The following SOX18 variants were observed in gnomAD, a reference collection of about 807,000 sequenced individuals.
The protein encoded by SOX18 is transcription factor SOX-18.
A neutral mutation model predicts 9.1 loss-of-function variants in SOX18; 2 were observed. The ratio of observed to expected loss-of-function variants is 0.22; its 90% CI spans 0.09 to 0.69. The LOEUF is 0.69. SOX18 is among the 30% of genes least tolerant of loss of function. The pLI is 0.80. For synonymous variants in SOX18, 292 were observed against 280.5 expected (o/e 1.04, Z -0.41); for missense variants, 542 against 567.3 (o/e 0.96, Z 0.45).
At position 64,048,712 on chromosome 20, in the gene SOX18, C is replaced by A; in HGVS notation, c.609G>T (p.Leu203=). ...SARAFRELPP[L]GAEFDGLGLP... The stretch of plus-strand genomic sequence containing the variant: ...GCCCCAGGCCGTCGAACTCGGCGCC[C>A]AGCGGGGGCAGCTCGCGGAAGGCGC... Residue 203 remains leucine (L), a synonymous_variant, in exon 2 of 2, where the codon CTG becomes CTT. Transcript: ENST00000340356. 2.2e-6 allele frequency: 3 copies of A among 1,366,070 alleles called. No homozygotes were observed. The highest frequency in any genetic ancestry group is 2.8e-6 in the Non-Finnish European group (3 of 1,068,478). The allele number at this position is 1,366,070 out of a possible 1,614,324, so 84.6% of individuals were successfully genotyped here. A position where few individuals can be genotyped will look rare whatever the true frequency, so the allele number is the denominator to read the frequency against.
chr20:64,048,506 G>C lies in SOX18; in HGVS notation c.815C>G (p.Thr272Ser). 1 of 1,222,646 alleles carries C rather than the reference G, an allele frequency of 8.2e-7. No individual in the cohort carries two copies. The highest frequency in any genetic ancestry group is 1.6e-5 in the African/African-American group (1 of 63,148). 75.7% of individuals were successfully genotyped at this position (1,222,646 alleles called of 1,614,324 possible). A position where few individuals can be genotyped will look rare whatever the true frequency, so the allele number is the denominator to read the frequency against. The change falls in exon 2 of 2, where the codon ACC becomes AGC. Residue 272 changes from threonine (T) to serine (S), a missense_variant. Coordinates refer to ENST00000340356, the MANE Select transcript of SOX18 (RefSeq NM_018419.3). Reference protein sequence around the residue: ...YGAPLAEALRTAPPAAPLAGL... With the variant: ...YGAPLAEALRSAPPAAPLAGL... ...AGCGAGCGGCGCCGCGGGGGGCGCGGTCCTGAGCGCCTCCGCCAGGGGAGC... is the reference window on the plus strand; with the variant it reads ...AGCGAGCGGCGCCGCGGGGGGCGCGCTCCTGAGCGCCTCCGCCAGGGGAGC...
rs929803000 is a variant in SOX18 at position 64,048,100 on chromosome 20, C to G, written c.*66G>C. ...GTATGAGAGAGCAGAGCGGCAGCGA[C>G]GCGGTCGGATCGGTCGCGGGGGCTG... On this transcript the variant is annotated 3_prime_UTR_variant, in exon 2 of 2. Coordinates refer to ENST00000340356, the MANE Select transcript of SOX18 (RefSeq NM_018419.3). 1.5e-5 allele frequency: 21 copies of G among 1,422,028 alleles called. No individual in the cohort carries two copies. The African/African-American group carries it at 2.7e-4, about 18-fold the overall frequency. The allele number at this position is 1,422,028 out of a possible 1,614,324, so 88.1% of individuals were successfully genotyped here. A position where few individuals can be genotyped will look rare whatever the true frequency, so the allele number is the denominator to read the frequency against.
Position 64,048,179 on chromosome 20 carries a change from C to A in SOX18, c.1142G>T (p.Cys381Phe). The A allele has an allele frequency of 6.4e-7, 1 of 1,554,224 alleles. No homozygotes were observed. The highest frequency in any genetic ancestry group is 8.7e-7 in the Non-Finnish European group (1 of 1,153,446). The change falls in exon 2 of 2, where the codon TGC becomes TTC. Residue 381 changes from cysteine to phenylalanine, a missense_variant. Coordinates refer to ENST00000340356, the MANE Select transcript of SOX18 (RefSeq NM_018419.3). The stretch of plus-strand genomic sequence containing the variant: ...GGCGCCGGCGGCCTAGCCGGAGATG[C>A]ACGCGCTGTAATAGACCGCGCTGCT... ...DASSAVYYSA[C>F]ISG
chr20:64,049,081 C>A (rs2059415591), intron 1 of SOX18, 78 bp downstream of exon 1: 2 of 987,832 alleles, frequency 2.0e-6, no homozygotes, highest in African/African-American at 2.6e-5. Flanking sequence ...CGGCCCGGGA[C>A]CCCTGCCCCC....
chr20:64,049,247 G>A lies in SOX18; in HGVS notation c.270C>T (p.Asn90=). Residue 90 remains asparagine (N), a synonymous_variant, in exon 1 of 2, where the codon AAC becomes AAT. Transcript: ENST00000340356. The stretch of plus-strand genomic sequence containing the variant: ...CGTCCTTTGCCCACACCATGAAGGC[G>A]TTCATGGGCCGCCGGATGCGCGACT... ...ADESRIRRPM[N]AFMVWAKDER... The A allele has an allele frequency of 6.5e-7, 1 of 1,531,686 alleles. No individual in the cohort carries two copies. The allele number at this position is 1,531,686 out of a possible 1,614,324, so 94.9% of individuals were successfully genotyped here. A position where few individuals can be genotyped will look rare whatever the true frequency, so the allele number is the denominator to read the frequency against.
In SOX18 at chr20:64,048,784, G is replaced by A. The variant is rs1245520342; in HGVS notation, c.537C>T (p.Pro179=). The change falls in exon 2 of 2, where the codon CCC becomes CCT. Residue 179 remains proline, a synonymous_variant. Coordinates refer to ENST00000340356, the MANE Select transcript of SOX18 (RefSeq NM_018419.3). ...GGAAAGGCTCGGGCGGTGGCTGCGG[G>A]GGCGCTAATCCCGGGAGCAGGAGGC... ...EPGLLLPGLA[P]PQPPPEPFPA... is the part of the protein sequence containing the mutation. 1 of 1,510,714 alleles carries A rather than the reference G, an allele frequency of 6.6e-7. No homozygotes were observed. The highest frequency in any genetic ancestry group is 8.8e-7 in the Non-Finnish European group (1 of 1,135,938). The allele number at this position is 1,510,714 out of a possible 1,614,324, so 93.6% of individuals were successfully genotyped here.
At position 64,048,565 on chromosome 20, in the gene SOX18, G is replaced by A; in HGVS notation, c.756C>T (p.Thr252=). 1 of 1,224,936 alleles carries A rather than the reference G, an allele frequency of 8.2e-7. No individual in the cohort carries two copies. The highest frequency in any genetic ancestry group is 1.0e-6 in the Non-Finnish European group (1 of 985,102). The allele number at this position is 1,224,936 out of a possible 1,614,324, so 75.9% of individuals were successfully genotyped here. A position where few individuals can be genotyped will look rare whatever the true frequency, so the allele number is the denominator to read the frequency against. The part of the protein sequence containing the change: ...LRPFRAPYAP[T]ELSRDPGGCY... ...AACCGCCGGGGTCCCGCGACAACTC[G>A]GTGGGCGCGTAGGGCGCGCGGAAGG... is the stretch of plus-strand genomic sequence containing the variant. The change falls in exon 2 of 2, where the codon ACC becomes ACT. Residue 252 remains threonine, a synonymous_variant. Coordinates refer to ENST00000340356, the MANE Select transcript of SOX18 (RefSeq NM_018419.3).
chr20:64,049,086 G>GCA, intron 1 of SOX18, 73 bp downstream of exon 1: 1 of 831,920 alleles, frequency 1.2e-6, no homozygotes, highest in South Asian at 4.7e-5. Context: ...CGGGACCCCT[G>GCA]CCCCCCCCGC....
Position 64,048,663 on chromosome 20 carries a change from G to T in SOX18, c.658C>A (p.Leu220Met). Residue 220 changes from leucine (L) to methionine (M), a missense_variant, in exon 2 of 2, where the codon CTG becomes ATG. By Grantham distance (15) the Leu-to-Met change is conservative. Transcript: ENST00000340356. ...LGLPTPERSP[L>M]DGLEPGEAAF... is the part of the protein sequence containing the mutation. The stretch of plus-strand genomic sequence containing the variant: ...GCCTCGCCGGGCTCCAGGCCGTCCA[G>T]AGGCGAGCGCTCGGGCGTGGGCAGC... 7.6e-7 allele frequency: 1 copy of T among 1,309,642 alleles called. No homozygotes were observed. Among genetic ancestry groups the T allele is most frequent in the Non-Finnish European group, 9.7e-7 (1 of 1,035,742 alleles). 81.1% of individuals were successfully genotyped at this position (1,309,642 alleles called of 1,614,324 possible).
At chr20:64,049,017 C>G (rs1270650843) in intron 1 of SOX18, 55 bp from the exon 2 acceptor site, 1 of 1,505,060 alleles carries the variant, frequency 6.6e-7, no homozygotes, top group Admixed American at 2.1e-5. Flanking sequence ...GGGCGCCGAG[C>G]CCTCCGTGCG....
Position 64,048,726 on chromosome 20 carries a change from C to T in SOX18, c.595G>A (p.Glu199Lys), listed in dbSNP as rs1334155263. ...AACTCGGCGCCCAGCGGGGGCAGCT[C>T]GCGGAAGGCGCGAGCCGAGCCAGAC... Reference protein sequence around the residue: ...AASGSARAFRELPPLGAEFDG... With the variant: ...AASGSARAFRKLPPLGAEFDG... Residue 199 changes from glutamate to lysine, a missense_variant, in exon 2 of 2, where the codon GAG becomes AAG. Coordinates refer to ENST00000340356, the MANE Select transcript of SOX18 (RefSeq NM_018419.3). The T allele has an allele frequency of 1.4e-6, 2 of 1,380,844 alleles. No homozygotes were observed. The highest frequency in any genetic ancestry group is 3.6e-5 in the Admixed American group (1 of 27,398). The allele number at this position is 1,380,844 out of a possible 1,614,324, so 85.5% of individuals were successfully genotyped here. A position where few individuals can be genotyped will look rare whatever the true frequency, so the allele number is the denominator to read the frequency against.
In SOX18 at chr20:64,048,197, G is replaced by A; in HGVS notation, c.1124C>T (p.Ala375Val). 2 of 1,567,556 alleles carry A rather than the reference G, an allele frequency of 1.3e-6. No individual in the cohort carries two copies. The highest frequency in any genetic ancestry group is 1.7e-6 in the Non-Finnish European group (2 of 1,159,548). The change falls in exon 2 of 2, where the codon GCG becomes GTG. Residue 375 changes from alanine (A) to valine (V), a missense_variant. Transcript: ENST00000340356. The stretch of plus-strand genomic sequence containing the variant: ...GGAGATGCACGCGCTGTAATAGACC[G>A]CGCTGCTGGCGTCCGACAGCGCGGA... ...LISALSDASS[A>V]VYYSACISG
At position 64,047,701 on chromosome 20, in the gene SOX18, T is replaced by G. The variant is rs2145416285; in HGVS notation, c.*465A>C. The stretch of plus-strand genomic sequence containing the variant: ...CACATTGCAAAAGTCTTTGCCACAG[T>G]GACGCTTCTGATCACTGAAACTTCT... On this transcript the variant is annotated 3_prime_UTR_variant, in exon 2 of 2. Coordinates refer to ENST00000340356, the MANE Select transcript of SOX18 (RefSeq NM_018419.3). 6.4e-6 allele frequency: 1 copy of G among 155,978 alleles called. No individual in the cohort carries two copies. Among genetic ancestry groups the G allele is most frequent in the South Asian group, 1.9e-4 (1 of 5,134 alleles). The allele number at this position is 155,978 out of a possible 1,614,324, so 9.7% of individuals were successfully genotyped here.
At position 64,048,841 on chromosome 20, in the gene SOX18, C is replaced by T. The variant is rs200029331; in HGVS notation, c.480G>A (p.Lys160=). The T allele has an allele frequency of 1.3e-5, 21 of 1,580,606 alleles. No homozygotes were observed. In the African/African-American group the frequency reaches 1.4e-4, roughly 10 times the overall value. ...CCAGCCGCCGGGCCTTGCGCGCCTG[C>T]TTCTTGCGGCGCGGCCGGTACTTGT... ...PNYKYRPRRK[K]QARKARRLEP... The change falls in exon 2 of 2, where the codon AAG becomes AAA. Residue 160 remains lysine, a synonymous_variant. Coordinates refer to ENST00000340356, the MANE Select transcript of SOX18 (RefSeq NM_018419.3).
rs1283779670 is a variant in SOX18 at position 64,048,939 on chromosome 20, C to T, written c.382G>A (p.Ala128Thr). The T allele has an allele frequency of 6.3e-7, 1 of 1,593,604 alleles. No homozygotes were observed. Among genetic ancestry groups the T allele is most frequent in the Non-Finnish European group, 8.5e-7 (1 of 1,175,376 alleles). Residue 128 changes from alanine to threonine, a missense_variant, in exon 2 of 2, where the codon GCG (alanine) becomes ACG (threonine). Physicochemically the swap from Ala to Thr is moderately conservative, Grantham distance 58 (BLOSUM62 0). Coordinates refer to ENST00000340356, the MANE Select transcript of SOX18 (RefSeq NM_018419.3). ...MLGKAWKELN[A>T]AEKRPFVEEA... ...TCCACGAAGGGCCGCTTCTCCGCCG[C>T]GTTCAGCTCCTTCCACGCTTTGCCT...
chr20:64,048,298 G>T lies in SOX18; in HGVS notation c.1023C>A (p.Pro341=). ...CCAGTGCCACGTGGTACGGGAGCCC[G>T]GGGGCGTCGGGCCGAGTCCGGCTGC... ...LNCSRTRPDA[P]GLPYHVALAK... is the part of the protein sequence containing the mutation. Residue 341 remains proline, a synonymous_variant, in exon 2 of 2, where the codon CCC becomes CCA. Coordinates refer to ENST00000340356, the MANE Select transcript of SOX18 (RefSeq NM_018419.3). 1 of 1,593,050 alleles carries T rather than the reference G, an allele frequency of 6.3e-7. No homozygotes were observed. Among genetic ancestry groups the T allele is most frequent in the Admixed American group, 1.7e-5 (1 of 57,670 alleles).
Position 64,048,254 on chromosome 20 carries a change from G to A in SOX18, c.1067C>T (p.Ala356Val). 1 of 1,593,534 alleles carries A rather than the reference G, an allele frequency of 6.3e-7. No homozygotes were observed. The highest frequency in any genetic ancestry group is 8.5e-7 in the Non-Finnish European group (1 of 1,171,334). The change falls in exon 2 of 2, where the codon GCC becomes GTC. Residue 356 changes from alanine (A) to valine (V), a missense_variant. Physicochemically the swap from Ala to Val is moderately conservative, Grantham distance 64 (BLOSUM62 0). Transcript: ENST00000340356. The part of the protein sequence containing the change: ...HVALAKLGPR[A>V]MSCPEESSLI... Reference sequence around the variant, plus strand: ...GCTGCTCTCCTCTGGGCAGGACATGGCGCGCGGGCCCAGTTTGGCCAGTGC... The same window carrying A: ...GCTGCTCTCCTCTGGGCAGGACATGACGCGCGGGCCCAGTTTGGCCAGTGC...
Position 64,048,290 on chromosome 20 carries a change from G to A in SOX18, c.1031C>T (p.Pro344Leu), listed in dbSNP as rs375192114. The A allele has an allele frequency of 9.3e-5, 149 of 1,596,188 alleles. No individual in the cohort carries two copies. The highest frequency in any genetic ancestry group is 1.2e-4 in the Non-Finnish European group (145 of 1,172,514). Residue 344 changes from proline (P) to leucine (L), a missense_variant, in exon 2 of 2, where the codon CCG (proline) becomes CTG (leucine). By Grantham distance (98) the Pro-to-Leu change is moderately conservative (BLOSUM62 -3). Coordinates refer to ENST00000340356, the MANE Select transcript of SOX18 (RefSeq NM_018419.3). ...CAGTTTGGCCAGTGCCACGTGGTAC[G>A]GGAGCCCGGGGGCGTCGGGCCGAGT... ...SRTRPDAPGL[P>L]YHVALAKLGP... is the part of the protein sequence containing the mutation.
In SOX18 at chr20:64,049,142, G is replaced by A; in HGVS notation, c.358+17C>T. On this transcript the variant is annotated intron_variant, in intron 1 of 1. Transcript: ENST00000340356. ...CCCCGCCCTCTCCCCCTTCTCTGCC[G>A]CCCTCCCGCCGCTCACCCAGCATCT... The A allele has an allele frequency of 7.8e-7, 1 of 1,281,046 alleles. No homozygotes were observed. Among genetic ancestry groups the A allele is most frequent in the Non-Finnish European group, 1.0e-6 (1 of 970,372 alleles). The allele number at this position is 1,281,046 out of a possible 1,614,324, so 79.4% of individuals were successfully genotyped here.
Sources: allele counts gnomAD v4.1 joint callset, GRCh38; gene constraint gnomAD v4.1.1; transcripts MANE v1.5; gene names NCBI Gene and HGNC (gene_info 2026-07-23, HGNC 2026-07-21).